Variants in GSE1 observed in about 807,000 individuals in gnomAD.
The protein encoded by GSE1 is Gse1 coiled-coil protein, also known as genetic suppressor element 1.
In GSE1, 32 loss-of-function variants were observed where a neutral mutation model predicts 112.6. That is an observed-to-expected ratio of 0.28 (90% CI 0.21 to 0.38). GSE1 has a LOEUF of 0.38. Among genes scored for constraint, GSE1 ranks in the 10% least tolerant of loss-of-function variants. The probability of loss-of-function intolerance (pLI) is 1.00; values close to 1 mark genes in which losing one functional copy is unlikely to be tolerated. For synonymous variants in GSE1, 1,115 were observed against 735.6 expected (o/e 1.52, Z -8.35); for missense variants, 2,348 against 1,699.2 (o/e 1.38, Z -6.71).
At chr16:85,651,391 C>T (rs115054372) in intron 3 of GSE1, among the ~76,000 whole-genome samples, 9,750 of 152,108 alleles carry the variant, frequency 0.064, 752 homozygotes, top group African/African-American at 0.18. Context: ...GCCCCTGCCC[C>T]GCCTGCTGGC....
At chr16:85,314,234 C>T (rs1028165798) in intron 1 of GSE1, among the ~76,000 whole-genome samples, 8 of 152,100 alleles carry the variant, frequency 5.3e-5, no homozygotes, top group Non-Finnish European at 7.4e-5. Flanking sequence ...GGCATTCTGC[C>T]GGCTAGTGCC....
At chr16:85,619,542 G>T (rs2048597201) in intron 1 of GSE1, among the ~76,000 whole-genome samples, 1 of 152,238 alleles carries the variant, frequency 6.6e-6, no homozygotes, top group African/African-American at 2.4e-5. Context: ...GACGGGCCTG[G>T]AGGGACGGCA....
intron 1 of GSE1, among the ~76,000 whole-genome samples, chr16:85,603,644 G>A (rs1440798325): frequency 6.6e-6 from 1 of 152,180 alleles, no homozygotes; most frequent in African/African-American, 2.4e-5. Context: ...TGGGACCACA[G>A]ACATGTACCC....
chr16:85,456,750 G>T (rs1210379591), intron 2 of GSE1, among the ~76,000 whole-genome samples: 1 of 152,012 alleles, frequency 6.6e-6, no homozygotes, highest in South Asian at 2.1e-4. Flanking sequence ...AGCGCTGGTG[G>T]GTGAGAGGCC....
At chr16:85,253,855 G>A (rs1335636095) in intron 1 of GSE1, among the ~76,000 whole-genome samples, 4 of 152,186 alleles carry the variant, frequency 2.6e-5, no homozygotes, top group Non-Finnish European at 5.9e-5. Flanking sequence ...GGGACAGGCT[G>A]GGTGCTGTGG....
rs139730064 is a variant in GSE1, at chr16:85,519,147, G to A, written c.2465-114767G>A. ...CTAAATGAGGTACTGGGTATCAAGT[G>A]TGGGACCACTTAGGTTCTAGGTATT... On this transcript the variant is annotated intron_variant, in intron 2 of 2. Transcript: ENST00000637419. Among the ~76,000 whole-genome samples the A allele has an allele frequency of 2.2e-4, 34 of 151,778 alleles. 1 individual carries two copies. Among genetic ancestry groups the A allele is most frequent in the African/African-American group, 8.0e-4 (33 of 41,136 alleles).
chr16:85,528,264 A>G (rs566119124), intron 2 of GSE1, among the ~76,000 whole-genome samples: 15 of 152,368 alleles, frequency 9.8e-5, no homozygotes, highest in Non-Finnish European at 2.1e-4. Context: ...TGGGGAAGAT[A>G]TAAAAGAGTA....
At chr16:85,635,026 G>A (rs1394328279) in intron 2 of GSE1, among the ~76,000 whole-genome samples, 4 of 152,176 alleles carry the variant, frequency 2.6e-5, no homozygotes, top group Admixed American at 2.6e-4. Flanking sequence ...TTAAGATCCG[G>A]GTGCCAGGGC....
At chr16:85,216,121 G>C (rs2075303404) in intron 1 of GSE1, among the ~76,000 whole-genome samples, 1 of 152,224 alleles carries the variant, frequency 6.6e-6, no homozygotes, top group Admixed American at 6.5e-5. Context: ...CCCAGCCCAG[G>C]GCTTCTGCCC....
intron 1 of GSE1, among the ~76,000 whole-genome samples, chr16:85,630,916 C>A (rs2049487554): frequency 6.6e-6 from 1 of 152,086 alleles, no homozygotes; most frequent in South Asian, 2.1e-4. Context: ...GGTGACAGTT[C>A]AGCTGCTGTG....
intron 2 of GSE1, among the ~76,000 whole-genome samples, chr16:85,643,028 T>A (rs1373203061): frequency 1.3e-5 from 2 of 151,882 alleles, no homozygotes; most frequent in African/African-American, 2.4e-5. Flanking sequence ...CCTGGCGGGG[T>A]GGGCCTGAGC....
intron 2 of GSE1, among the ~76,000 whole-genome samples, chr16:85,450,670 T>C (rs1213649143): frequency 2.6e-5 from 4 of 151,184 alleles, no homozygotes; most frequent in South Asian, 4.2e-4. Context: ...AGGCTGGTCT[T>C]GAATTCCTGA....
intron 1 of GSE1, among the ~76,000 whole-genome samples, chr16:85,180,526 G>A (rs756846549): frequency 2.6e-5 from 4 of 152,384 alleles, no homozygotes; most frequent in East Asian, 1.9e-4. Context: ...GATAGCATGC[G>A]CCTGGTGCCA....
At chr16:85,560,807 C>T (rs1451925663) in intron 1 of GSE1, among the ~76,000 whole-genome samples, 1 of 151,982 alleles carries the variant, frequency 6.6e-6, no homozygotes. Flanking sequence ...AGTGCCGGGC[C>T]AGTAATAACG....
At chr16:85,620,651 C>T (rs1222122497) in intron 1 of GSE1, among the ~76,000 whole-genome samples, 1 of 152,272 alleles carries the variant, frequency 6.6e-6, no homozygotes, top group Non-Finnish European at 1.5e-5. Flanking sequence ...GTTTCGGAAT[C>T]AGCCCTTGTG....
intron 2 of GSE1, among the ~76,000 whole-genome samples, chr16:85,369,445 G>C (rs1177868457): frequency 1.3e-5 from 2 of 152,034 alleles, no homozygotes; most frequent in African/African-American, 4.8e-5. Flanking sequence ...CAAAATCCAG[G>C]CTTCAAGCAG....
intron 2 of GSE1, among the ~76,000 whole-genome samples, chr16:85,646,338 C>T (rs76925161): frequency 0.049 from 7,419 of 151,904 alleles, 440 homozygotes; most frequent in African/African-American, 0.14. Context: ...AATTGTACCA[C>T]ACCTCCTCAG....
In GSE1 at chr16:85,262,722, G is replaced by C. The variant is rs374087906; in HGVS notation, c.2283+90915G>C. Among the ~76,000 whole-genome samples, 6 of 152,338 alleles carry C rather than the reference G, an allele frequency of 3.9e-5. No homozygotes were observed. In the South Asian group the frequency reaches 6.2e-4, roughly 16 times the overall value. ...CCATGTGTGACCTTGCACAAGTTCTGATCCTCCCCACAGCCCAGTTTCCTC... is the reference window on the plus strand; with the variant it reads ...CCATGTGTGACCTTGCACAAGTTCTCATCCTCCCCACAGCCCAGTTTCCTC... On this transcript the variant is annotated intron_variant, in intron 1 of 2. Coordinates refer to the GSE1 transcript ENST00000637419.
intron 2 of GSE1, among the ~76,000 whole-genome samples, chr16:85,414,993 A>G (rs1458759404): frequency 6.6e-6 from 1 of 152,046 alleles, no homozygotes; most frequent in Non-Finnish European, 1.5e-5. Flanking sequence ...TGCCTAGGCT[A>G]GAGTGCAGTG....
Sources: gnomAD v4.1 joint callset for allele counts (sites outside exome capture counted in the v4.1 genomes callset) on GRCh38, gnomAD v4.1.1 for gene constraint, MANE v1.5 for transcripts, NCBI Gene and HGNC (gene_info 2026-07-23, HGNC 2026-07-21) for gene names.